Variants in SYNDIG1 observed in about 807,000 individuals in gnomAD.
SYNDIG1 encodes synapse differentiation inducing 1, also known as synapse differentiation-inducing gene protein 1.
Under a neutral mutation model 19.4 loss-of-function variants are expected in SYNDIG1, and 9 were observed. The observed-to-expected ratio is 0.46, with a 90% confidence interval of 0.28 to 0.81. The LOEUF (loss-of-function observed/expected upper bound fraction) is 0.81. SYNDIG1 is among the 30% of genes least tolerant of loss of function. The pLI is 0.12. For synonymous variants in SYNDIG1, 141 were observed against 145.9 expected, an observed-to-expected ratio of 0.97 and a Z score of 0.24; for missense variants, 311 against 343.3, an observed-to-expected ratio of 0.91 and a Z score of 0.74.
At chr20:24,496,784 A>T (rs1162877778) in intron 1 of SYNDIG1, among the ~76,000 whole-genome samples, 2 of 152,138 alleles carry the variant, frequency 1.3e-5, no homozygotes, top group Admixed American at 6.5e-5. Flanking sequence ...GACACAATAT[A>T]CCCAGAGCTG....
At position 24,665,716 on chromosome 20, in the gene SYNDIG1, C is replaced by A; in HGVS notation, c.*212C>A. On this transcript the variant is annotated 3_prime_UTR_variant, in exon 4 of 4. Coordinates refer to ENST00000376862, the MANE Select transcript of SYNDIG1 (RefSeq NM_024893.3). Reference sequence around the variant, plus strand: ...CACCAGACAGACGGGCACTGCTAATCCTTCCAAAGGAAAGCTCCAAAGATC... The same window carrying A: ...CACCAGACAGACGGGCACTGCTAATACTTCCAAAGGAAAGCTCCAAAGATC... The A allele has an allele frequency of 5.0e-6, 3 of 602,462 alleles. No homozygotes were observed. Among genetic ancestry groups the A allele is most frequent in the Middle Eastern group, 4.5e-4 (1 of 2,212 alleles). The allele number at this position is 602,462 out of a possible 1,614,324, so 37.3% of individuals were successfully genotyped here.
chr20:24,665,532 C>A lies in SYNDIG1; in HGVS notation c.*28C>A. The stretch of plus-strand genomic sequence containing the variant: ...TTCCTGCGAATGGAGGGGGAGCACC[C>A]GGGGCCAGGTCTGTGTGGACGTGGA... On this transcript the variant is annotated 3_prime_UTR_variant, in exon 4 of 4. Transcript: ENST00000376862. The A allele has an allele frequency of 1.2e-6, 2 of 1,613,678 alleles. No homozygotes were observed. The highest frequency in any genetic ancestry group is 1.7e-6 in the Non-Finnish European group (2 of 1,179,900).
chr20:24,635,260 C>T (rs2059304149), intron 3 of SYNDIG1, among the ~76,000 whole-genome samples: 1 of 152,200 alleles, frequency 6.6e-6, no homozygotes, highest in African/African-American at 2.4e-5. Flanking sequence ...CAGTGAAGAG[C>T]CCCATCGTCC....
chr20:24,585,041 GTGGGGGT>G, intron 3 of SYNDIG1, 48 bp downstream of exon 3: 1 of 1,423,950 alleles, frequency 7.0e-7, no homozygotes, highest in Non-Finnish European at 9.6e-7. Context: ...TGTTCACAGG[GTGGGGGT>G]GGGGGCGGCA....
intron 3 of SYNDIG1, among the ~76,000 whole-genome samples, chr20:24,646,612 T>C (rs148748876): frequency 6.6e-6 from 1 of 152,198 alleles, no homozygotes. Flanking sequence ...CCTCACCATA[T>C]GCAGATGCTC....
chr20:24,590,892 C>T (rs1005361881), intron 3 of SYNDIG1, among the ~76,000 whole-genome samples: 7 of 152,090 alleles, frequency 4.6e-5, no homozygotes, highest in Non-Finnish European at 8.8e-5. Flanking sequence ...GGGACAGCAC[C>T]GAGGAGCGGA....
At chr20:24,487,352 G>C (rs1434009477) in intron 1 of SYNDIG1, among the ~76,000 whole-genome samples, 1 of 152,192 alleles carries the variant, frequency 6.6e-6, no homozygotes, top group Admixed American at 6.5e-5. Context: ...CTATGCTTCT[G>C]GGTTTACTGA....
intron 3 of SYNDIG1, among the ~76,000 whole-genome samples, chr20:24,618,100 G>C (rs1381026043): frequency 6.9e-6 from 1 of 145,152 alleles, no homozygotes; most frequent in Admixed American, 6.7e-5. Context: ...GGGGAACCCG[G>C]GGAGTGGGGA....
At chr20:24,490,239 A>G (rs2056108079) in intron 1 of SYNDIG1, among the ~76,000 whole-genome samples, 1 of 152,248 alleles carries the variant, frequency 6.6e-6, no homozygotes. Context: ...CACGCAGATC[A>G]CAGTTCCCAG....
At chr20:24,596,489 C>G (rs1362751605) in intron 3 of SYNDIG1, among the ~76,000 whole-genome samples, 1 of 152,138 alleles carries the variant, frequency 6.6e-6, no homozygotes, top group Non-Finnish European at 1.5e-5. Flanking sequence ...AGCAATTCTA[C>G]TGCCTGAGCC....
intron 3 of SYNDIG1, among the ~76,000 whole-genome samples, chr20:24,608,217 G>A (rs1266531878): frequency 6.9e-6 from 1 of 145,628 alleles, no homozygotes; most frequent in Non-Finnish European, 1.5e-5. Context: ...AGACAGTCTC[G>A]CTCTGTCACC....
chr20:24,524,917 T>G (rs1188258319), intron 1 of SYNDIG1, among the ~76,000 whole-genome samples: 1 of 152,204 alleles, frequency 6.6e-6, no homozygotes, highest in Middle Eastern at 3.2e-3. Context: ...CTTCTGCTCT[T>G]ACCTTATTAA....
chr20:24,638,818 G>A (rs1043949025), intron 3 of SYNDIG1, among the ~76,000 whole-genome samples: 5 of 152,244 alleles, frequency 3.3e-5, no homozygotes, highest in African/African-American at 7.2e-5. Context: ...GCATGACTCA[G>A]CTTGGGCTTG....
intron 1 of SYNDIG1, among the ~76,000 whole-genome samples, chr20:24,487,888 C>T (rs961304185): frequency 2.0e-5 from 3 of 152,096 alleles, no homozygotes; most frequent in African/African-American, 7.2e-5. Flanking sequence ...GCGATGGACC[C>T]ATTCTGAGGT....
At chr20:24,544,199 T>C (rs2057528027) in intron 2 of SYNDIG1, among the ~76,000 whole-genome samples, 1 of 152,202 alleles carries the variant, frequency 6.6e-6, no homozygotes, top group Admixed American at 6.5e-5. Flanking sequence ...ACGTTGGATA[T>C]AGTGTGGTAG....
intron 3 of SYNDIG1, among the ~76,000 whole-genome samples, chr20:24,635,901 C>G (rs1407488632): frequency 6.6e-6 from 1 of 152,192 alleles, no homozygotes; most frequent in Non-Finnish European, 1.5e-5. Flanking sequence ...CCAGTTTATT[C>G]TCATGAGAGT....
intron 1 of SYNDIG1, among the ~76,000 whole-genome samples, chr20:24,522,161 A>G (rs923726307): frequency 6.6e-6 from 1 of 152,130 alleles, no homozygotes; most frequent in African/African-American, 2.4e-5. Context: ...TGCAGCCTCA[A>G]ACCCCTGGGC....
chr20:24,522,454 G>C (rs1415022846), intron 1 of SYNDIG1, among the ~76,000 whole-genome samples: 2 of 152,076 alleles, frequency 1.3e-5, no homozygotes, highest in African/African-American at 4.8e-5. Flanking sequence ...GCTTTGAAAG[G>C]GTAGAGATTA....
intron 1 of SYNDIG1, among the ~76,000 whole-genome samples, chr20:24,524,891 C>T (rs965460316): frequency 6.6e-6 from 1 of 152,194 alleles, no homozygotes; most frequent in South Asian, 2.1e-4. Context: ...GGTATCTTTG[C>T]TTTCTGTTTC....
Sources: allele counts gnomAD v4.1 joint callset (sites outside exome capture counted in the v4.1 genomes callset), GRCh38; gene constraint gnomAD v4.1.1; transcripts MANE v1.5; gene names NCBI Gene and HGNC (gene_info 2026-07-23, HGNC 2026-07-21).